The following GPC3 variants were observed in gnomAD, a reference collection of about 807,000 sequenced individuals.
The protein encoded by GPC3 is glypican 3, also known as glypican-3.
In GPC3, 3 loss-of-function variants were observed where a neutral mutation model predicts 34.4. The observed-to-expected ratio is 0.09, with a 90% CI of 0.04 to 0.23. The LOEUF (loss-of-function observed/expected upper bound fraction) is 0.23, where lower values mean the gene tolerates loss of function less well. Among genes scored for constraint, GPC3 ranks in the 10% least tolerant of loss-of-function variants. GPC3 has a pLI of 1.00. For missense variants in GPC3, 351 were observed against 445.6 expected (o/e 0.79, Z 1.91); for synonymous variants, 177 against 174.0 (o/e 1.02, Z -0.13).
chrX:133,699,064 T>G (rs1348302800), intron 4 of GPC3, among the ~76,000 whole-genome samples: 1 of 111,901 alleles, frequency 8.9e-6, no homozygotes, highest in Non-Finnish European at 1.9e-5. Flanking sequence ...GCTTTGTCAG[T>G]TTTTCTTACT....
In GPC3 at chrX:133,582,334, C is replaced by T. The variant is rs760584930; in HGVS notation, c.1573+14106G>A. 1.6e-4 allele frequency among the ~76,000 whole-genome samples: 18 copies of T among 111,854 alleles called. No homozygotes were observed. In the East Asian group the frequency reaches 2.8e-3, roughly 18 times the overall value. ...TTCTGAAAATTTAACAATTGGCTCT[C>T]GTGAGCCAGTGCAAGCCAGCTCTAG... On this transcript the variant is annotated intron_variant, in intron 7 of 7. Transcript: ENST00000370818.
At chrX:133,822,539 T>C (rs940447284) in intron 2 of GPC3, among the ~76,000 whole-genome samples, 1 of 111,549 alleles carries the variant, frequency 9.0e-6, no homozygotes, top group Non-Finnish European at 1.9e-5. Flanking sequence ...TGATAATCTC[T>C]CACTGTGCCC....
intron 1 of GPC3, among the ~76,000 whole-genome samples, chrX:133,957,095 A>G (rs1422766315): frequency 8.9e-6 from 1 of 111,777 alleles, no homozygotes; most frequent in Non-Finnish European, 1.9e-5. Context: ...TGTCCTGAAG[A>G]AAGGTATATA....
intron 2 of GPC3, among the ~76,000 whole-genome samples, chrX:133,832,628 T>G (rs1294486979): frequency 9.0e-6 from 1 of 111,500 alleles, no homozygotes; most frequent in Non-Finnish European, 1.9e-5. Context: ...CTGGTCTCTC[T>G]CCACTCATTT....
At chrX:133,636,302 G>A (rs2070423941) in intron 6 of GPC3, among the ~76,000 whole-genome samples, 1 of 112,167 alleles carries the variant, frequency 8.9e-6, no homozygotes, top group African/African-American at 3.2e-5. Flanking sequence ...GACAAGGGAA[G>A]CCAGTGTCAA....
At chrX:133,687,886 C>G (rs985766532) in intron 5 of GPC3, among the ~76,000 whole-genome samples, 2 of 112,226 alleles carry the variant, frequency 1.8e-5, no homozygotes, top group Non-Finnish European at 3.8e-5. Flanking sequence ...TTTATAGAAA[C>G]TAAAACTAAT....
intron 5 of GPC3, among the ~76,000 whole-genome samples, chrX:133,667,848 CCTT>C (rs2070783411): frequency 9.4e-6 from 1 of 106,650 alleles, no homozygotes; most frequent in Non-Finnish European, 1.9e-5. Context: ...CAGAGTGAAA[CCTT>C]CTCTCTCTTG....
intron 2 of GPC3, among the ~76,000 whole-genome samples, chrX:133,803,793 C>T (rs1430098617): frequency 1.8e-5 from 2 of 111,653 alleles, no homozygotes; most frequent in African/African-American, 6.5e-5. Context: ...CAACTTTTCT[C>T]AAATTTCAGG....
chrX:133,844,173 C>G (rs2075837744), intron 2 of GPC3, among the ~76,000 whole-genome samples: 1 of 111,735 alleles, frequency 8.9e-6, no homozygotes, highest in South Asian at 3.7e-4. Flanking sequence ...TCAAAGGGTA[C>G]AAACTTTTAG....
intron 2 of GPC3, among the ~76,000 whole-genome samples, chrX:133,893,340 G>C (rs1355250158): frequency 9.0e-6 from 1 of 111,677 alleles, no homozygotes; most frequent in Non-Finnish European, 1.9e-5. Flanking sequence ...TGCGCTGTGA[G>C]GTATTTGGGG....
chrX:133,669,476 C>G (rs1379316576), intron 5 of GPC3, among the ~76,000 whole-genome samples: 1 of 111,936 alleles, frequency 8.9e-6, no homozygotes, highest in Non-Finnish European at 1.9e-5. Context: ...TTCAGCATTT[C>G]ATTTCCTCAG....
At chrX:133,915,733 A>G (rs909847533) in intron 2 of GPC3, among the ~76,000 whole-genome samples, 1 of 112,215 alleles carries the variant, frequency 8.9e-6, no homozygotes, top group East Asian at 2.8e-4. Context: ...TGTACATTCA[A>G]TCATAGCTAC....
chrX:133,633,390 T>C (rs2070385276), intron 6 of GPC3, among the ~76,000 whole-genome samples: 1 of 112,044 alleles, frequency 8.9e-6, no homozygotes, highest in Middle Eastern at 4.6e-3. Context: ...CAAGGGAAAA[T>C]GGGCAAAGCC....
At chrX:133,614,635 C>T (rs1488204024) in intron 6 of GPC3, among the ~76,000 whole-genome samples, 1 of 111,488 alleles carries the variant, frequency 9.0e-6, no homozygotes, top group Non-Finnish European at 1.9e-5. Flanking sequence ...TGTAAAAGGA[C>T]ACTAGACAGT....
intron 2 of GPC3, among the ~76,000 whole-genome samples, chrX:133,839,732 C>A (rs2124550019): frequency 9.1e-6 from 1 of 109,417 alleles, no homozygotes; most frequent in East Asian, 2.9e-4. Flanking sequence ...AGATTGAGAC[C>A]ATCCCTGCTA....
intron 7 of GPC3, among the ~76,000 whole-genome samples, chrX:133,568,394 A>G (rs1006197036): frequency 3.6e-5 from 4 of 112,130 alleles, no homozygotes; most frequent in Non-Finnish European, 7.5e-5. Flanking sequence ...GTCCTCAAGG[A>G]CAGCTACAAT....
intron 2 of GPC3, among the ~76,000 whole-genome samples, chrX:133,866,168 C>A (rs1243781914): frequency 2.7e-5 from 3 of 111,798 alleles, no homozygotes; most frequent in Non-Finnish European, 5.6e-5. Context: ...TTCCATTAGC[C>A]AAAATCAATA....
intron 3 of GPC3, among the ~76,000 whole-genome samples, chrX:133,720,133 T>C (rs1337891132): frequency 8.9e-6 from 1 of 112,115 alleles, no homozygotes; most frequent in Non-Finnish European, 1.9e-5. Flanking sequence ...ACAGCCACTA[T>C]GGAAAACAGT....
intron 7 of GPC3, among the ~76,000 whole-genome samples, chrX:133,551,252 G>A (rs978411081): frequency 1.8e-5 from 2 of 109,305 alleles, no homozygotes; most frequent in Non-Finnish European, 3.8e-5. Flanking sequence ...ACACAGGCTC[G>A]TTAATGAAGT....
Sources: gnomAD v4.1 joint callset for allele counts (sites outside exome capture counted in the v4.1 genomes callset) on GRCh38, gnomAD v4.1.1 for gene constraint, MANE v1.5 for transcripts, NCBI Gene and HGNC (gene_info 2026-07-23, HGNC 2026-07-21) for gene names.